The following PTK2B variants were observed in gnomAD, a reference collection of about 807,000 sequenced individuals.
The protein encoded by PTK2B is protein-tyrosine kinase 2-beta.
PTK2B carries 71 observed loss-of-function variants against 142.9 expected under a neutral mutation model. That is an observed-to-expected ratio of 0.50 (90% CI 0.41 to 0.61). PTK2B has a LOEUF of 0.61. Ranked by LOEUF, PTK2B falls within the 20% of genes least tolerant of loss-of-function variation. The probability of loss-of-function intolerance (pLI) is 0.00; values close to 1 mark genes in which losing one functional copy is unlikely to be tolerated. For synonymous variants in PTK2B, 519 were observed against 503.4 expected, an observed-to-expected ratio of 1.03 and a Z score of -0.42; for missense variants, 1,105 against 1,320.4, an observed-to-expected ratio of 0.84 and a Z score of 2.53.
intron 23 of PTK2B, among the ~76,000 whole-genome samples, chr8:27,444,986 A>G (rs1205699464): frequency 6.6e-6 from 1 of 152,200 alleles, no homozygotes; most frequent in East Asian, 1.9e-4. Context: ...CTAAGGACTA[A>G]TAGATAAATC....
intron 1 of PTK2B, among the ~76,000 whole-genome samples, chr8:27,373,458 G>A (rs1806479783): frequency 6.6e-6 from 1 of 152,136 alleles, no homozygotes; most frequent in Admixed American, 6.5e-5. Flanking sequence ...TTGGCCTTGG[G>A]CAAGCAGCTA....
chr8:27,344,575 T>C (rs1563205110), intron 1 of PTK2B, among the ~76,000 whole-genome samples: 1 of 152,240 alleles, frequency 6.6e-6, no homozygotes, highest in East Asian at 1.9e-4. Context: ...CTTGTATTGA[T>C]GGCATATATT....
intron 1 of PTK2B, among the ~76,000 whole-genome samples, chr8:27,373,672 ACT>A (rs756692390): frequency 2.6e-5 from 4 of 151,702 alleles, no homozygotes; most frequent in Non-Finnish European, 5.9e-5. Context: ...ACACAGCAAG[ACT>A]CTGTTTCTAA....
chr8:27,323,629 A>T (rs1803274556), upstream of PTK2B, among the ~76,000 whole-genome samples: 3 of 152,116 alleles, frequency 2.0e-5, no homozygotes, highest in Middle Eastern at 0.01. Flanking sequence ...GGCATTTCTG[A>T]TGGGTTTTTT....
chr8:27,423,285 C>T (rs1251959647), intron 5 of PTK2B, among the ~76,000 whole-genome samples: 1 of 152,148 alleles, frequency 6.6e-6, no homozygotes, highest in Non-Finnish European at 1.5e-5. Flanking sequence ...CTGTCTTGAC[C>T]AGGGCAGCAC....
At chr8:27,454,062 T>C (rs1811988098) in intron 28 of PTK2B, 92 bp from the exon 29 acceptor site, 1 of 1,521,702 alleles carries the variant, frequency 6.6e-7, no homozygotes. Flanking sequence ...GGGCTGGTGG[T>C]GGAGTTGGCC....
chr8:27,362,386 A>G (rs1374783651), intron 1 of PTK2B, among the ~76,000 whole-genome samples: 3 of 152,016 alleles, frequency 2.0e-5, no homozygotes, highest in South Asian at 2.1e-4. Context: ...GCACCCCCAC[A>G]CTGTGGCTCT....
intron 1 of PTK2B, among the ~76,000 whole-genome samples, chr8:27,330,125 T>C (rs1252806763): frequency 6.6e-6 from 1 of 152,132 alleles, no homozygotes; most frequent in African/African-American, 2.4e-5. Context: ...ATGGACTGTT[T>C]CGATATTTCA....
chr8:27,311,080 C>A, upstream of PTK2B: 1 of 1,596,732 alleles, frequency 6.3e-7, no homozygotes, highest in Non-Finnish European at 8.5e-7. Flanking sequence ...TGGGCGACAC[C>A]TGCACCTCCC....
intron 1 of PTK2B, among the ~76,000 whole-genome samples, chr8:27,332,483 C>G (rs1180551486): frequency 2.6e-5 from 4 of 152,156 alleles, no homozygotes; most frequent in African/African-American, 9.7e-5. Flanking sequence ...CCTCTCTGAG[C>G]CTTACTTTGC....
chr8:27,395,003 A>T (rs1277254391), intron 1 of PTK2B, among the ~76,000 whole-genome samples: 1 of 152,162 alleles, frequency 6.6e-6, no homozygotes. Context: ...GTCATCGCGT[A>T]TGAGAGTAAT....
chr8:27,355,750 A>G (rs1029045009), intron 1 of PTK2B, among the ~76,000 whole-genome samples: 10 of 152,180 alleles, frequency 6.6e-5, no homozygotes, highest in Admixed American at 6.5e-4. Flanking sequence ...GAGGCTACGC[A>G]TGGTGGCTCA....
intron 1 of PTK2B, among the ~76,000 whole-genome samples, chr8:27,389,333 G>A (rs1448893788): frequency 6.6e-6 from 1 of 152,128 alleles, no homozygotes. Context: ...GGGAAGACAG[G>A]AAGACACTCC....
At chr8:27,337,459 A>G (rs554983314) in intron 1 of PTK2B, among the ~76,000 whole-genome samples, 14 of 152,274 alleles carry the variant, frequency 9.2e-5, no homozygotes, top group Admixed American at 7.8e-4. Flanking sequence ...ATCTAATTGC[A>G]GAATATTCTC....
chr8:27,395,162 A>G (rs1442535977), intron 1 of PTK2B, among the ~76,000 whole-genome samples: 1 of 152,166 alleles, frequency 6.6e-6, no homozygotes, highest in Non-Finnish European at 1.5e-5. Flanking sequence ...CTTTATTATC[A>G]TTATCAAGTG....
chr8:27,357,247 C>A (rs972195717), intron 1 of PTK2B, among the ~76,000 whole-genome samples: 1 of 152,220 alleles, frequency 6.6e-6, no homozygotes, highest in Non-Finnish European at 1.5e-5. Context: ...GTCTATAATT[C>A]TTTCAAAATA....
intron 1 of PTK2B, among the ~76,000 whole-genome samples, chr8:27,349,351 G>A (rs1162498630): frequency 6.6e-6 from 1 of 152,182 alleles, no homozygotes; most frequent in Non-Finnish European, 1.5e-5. Flanking sequence ...TGGCTAGGAT[G>A]ACAATTACAT....
intron 5 of PTK2B, among the ~76,000 whole-genome samples, chr8:27,423,779 G>A (rs946895820): frequency 2.0e-5 from 3 of 152,144 alleles, no homozygotes; most frequent in African/African-American, 7.2e-5. Flanking sequence ...GAAAGGGAGA[G>A]TCCCACTTTG....
chr8:27,386,674 T>A (rs1020867600), intron 1 of PTK2B, among the ~76,000 whole-genome samples: 1 of 152,172 alleles, frequency 6.6e-6, no homozygotes, highest in African/African-American at 2.4e-5. Flanking sequence ...TGGGGCTCGG[T>A]CATGTTGAAT....
Sources: gnomAD v4.1 joint callset for allele counts (sites outside exome capture counted in the v4.1 genomes callset) on GRCh38, gnomAD v4.1.1 for gene constraint, MANE v1.5 for transcripts, NCBI Gene and HGNC (gene_info 2026-07-23, HGNC 2026-07-21) for gene names.